FRG1: variants seen among roughly 807,000 people sequenced by gnomAD.
FRG1 encodes the protein protein FRG1.
In FRG1, 19 loss-of-function variants were observed where a neutral mutation model predicts 37.0. That is an observed-to-expected ratio of 0.51 (90% confidence interval 0.36 to 0.75). The LOEUF (loss-of-function observed/expected upper bound fraction) is 0.75. Among genes scored for constraint, FRG1 ranks in the 30% least tolerant of loss-of-function variants. FRG1 has a pLI of 0.00. For missense variants in FRG1, 243 were observed against 301.4 expected (o/e 0.81, Z 1.44); for synonymous variants, 73 against 96.5 (o/e 0.76, Z 1.43).
chr4:189,954,245 T>C (rs906062165), intron 4 of FRG1, among the ~76,000 whole-genome samples: 17 of 152,144 alleles, frequency 1.1e-4, no homozygotes, highest in African/African-American at 3.9e-4. Context: ...CTCTGTTAAT[T>C]TGAGGTAAGA....
intron 8 of FRG1, 119 bp from the exon 9 acceptor site, chr4:189,962,974 A>G (rs1309416148): frequency 2.0e-6 from 1 of 509,100 alleles, no homozygotes; most frequent in Non-Finnish European, 3.5e-6. Context: ...TTTTAATAAA[A>G]GTGTTGTGGT....
At chr4:189,956,000 A>G (rs1736967042) in intron 5 of FRG1, among the ~76,000 whole-genome samples, 1 of 152,160 alleles carries the variant, frequency 6.6e-6, no homozygotes, top group Non-Finnish European at 1.5e-5. Flanking sequence ...AATCACTTAG[A>G]CTAATTTCCT....
At chr4:189,952,104 AAAAG>A (rs984080821) in intron 2 of FRG1, 54 bp from the exon 3 acceptor site, 37 of 1,302,798 alleles carry the variant, frequency 2.8e-5, no homozygotes, top group Non-Finnish European at 3.7e-5. Context: ...AATAACAAAA[AAAAG>A]AACTCTGTGT....
intron 4 of FRG1, among the ~76,000 whole-genome samples, chr4:189,954,147 T>G (rs1736878128): frequency 6.6e-6 from 1 of 152,070 alleles, no homozygotes; most frequent in South Asian, 2.1e-4. Flanking sequence ...AAATGCAAAT[T>G]TATAGGATAC....
chr4:189,951,160 A>G (rs1345525522), intron 2 of FRG1, among the ~76,000 whole-genome samples: 2 of 152,184 alleles, frequency 1.3e-5, no homozygotes, highest in Non-Finnish European at 2.9e-5. Flanking sequence ...ACATAGACAT[A>G]GATTCTGCTC....
chr4:189,950,721 T>A (rs770673954), intron 2 of FRG1, among the ~76,000 whole-genome samples: 8 of 152,166 alleles, frequency 5.3e-5, no homozygotes, highest in Non-Finnish European at 1.2e-4. Flanking sequence ...AAGAATATAA[T>A]GAGTCCCCCA....
chr4:189,946,121 T>G (rs1262589459), intron 2 of FRG1, among the ~76,000 whole-genome samples: 1 of 152,186 alleles, frequency 6.6e-6, no homozygotes, highest in Non-Finnish European at 1.5e-5. Context: ...AATTTGTGTT[T>G]TTGCTATGTT....
Position 189,963,192 on chromosome 4 carries a change from A to G in FRG1, c.*63A>G, listed in dbSNP as rs905639783. 5 of 1,360,296 alleles carry G rather than the reference A, an allele frequency of 3.7e-6. No individual in the cohort carries two copies. The highest frequency in any genetic ancestry group is 5.2e-6 in the Non-Finnish European group (5 of 954,834). The allele number at this position is 1,360,296 out of a possible 1,614,324, so 84.3% of individuals were successfully genotyped here. On this transcript the variant is annotated 3_prime_UTR_variant, in exon 9 of 9. Transcript: ENST00000226798. ...TTTCTGAATAAAATATTCAGAGGAA[A>G]TGCTTTTACAGAGTTCTTGAGTTGT...
intron 2 of FRG1, among the ~76,000 whole-genome samples, chr4:189,946,738 T>A (rs1012640762): frequency 7.9e-5 from 12 of 152,390 alleles, no homozygotes; most frequent in Admixed American, 7.8e-4. Flanking sequence ...TATGTTATTG[T>A]TGCTGATTTC....
Position 189,949,988 on chromosome 4 carries a change from C to T in FRG1, c.134-2174C>T, listed in dbSNP as rs62345263. ...TCCCACCAGCATTGCACAGGGTTTC[C>T]GTTTCTCCACATCCTGCCCAACATT... On this transcript the variant is annotated intron_variant, in intron 2 of 8. Coordinates refer to ENST00000226798, the MANE Select transcript of FRG1 (RefSeq NM_004477.3). 2.6e-3 allele frequency among the ~76,000 whole-genome samples: 401 copies of T among 151,708 alleles called. 3 individuals carry two copies. Among genetic ancestry groups the T allele is most frequent in the Non-Finnish European group, 4.0e-3 (272 of 67,722 alleles).
At chr4:189,962,308 C>CT (rs1240557363) in intron 8 of FRG1, among the ~76,000 whole-genome samples, 1 of 152,190 alleles carries the variant, frequency 6.6e-6, no homozygotes, top group Non-Finnish European at 1.5e-5. Flanking sequence ...AACTAAAAAA[C>CT]TAAGTATAAA....
At position 189,940,934 on chromosome 4, in the gene FRG1, C is replaced by T. The variant is rs903159987; in HGVS notation, c.-76C>T. The T allele has an allele frequency of 3.5e-6, 4 of 1,155,676 alleles. No homozygotes were observed. Among genetic ancestry groups the T allele is most frequent in the Non-Finnish European group, 1.3e-6 (1 of 783,082 alleles). 71.6% of individuals were successfully genotyped at this position (1,155,676 alleles called of 1,614,324 possible). On this transcript the variant is annotated 5_prime_UTR_variant, in exon 1 of 9. Coordinates refer to ENST00000226798, the MANE Select transcript of FRG1 (RefSeq NM_004477.3). ...TTTCGCGTCCGCTTCTGTTTCTCCG[C>T]GCCCCTGTGCTGCCCCGACTCACAT...
intron 3 of FRG1, 32 bp downstream of exon 3, chr4:189,952,319 A>G: frequency 6.2e-7 from 1 of 1,602,534 alleles, no homozygotes; most frequent in Non-Finnish European, 8.5e-7. Flanking sequence ...GGCTGCCACA[A>G]GTGTAGATTT....
At chr4:189,945,242 T>G (rs1190805211) in intron 2 of FRG1, among the ~76,000 whole-genome samples, 2 of 152,232 alleles carry the variant, frequency 1.3e-5, no homozygotes, top group Non-Finnish European at 2.9e-5. Flanking sequence ...TCCTTTTGTC[T>G]TGTCTTTCTT....
chr4:189,957,483 G>C lies in FRG1; in HGVS notation c.518G>C (p.Gly173Ala), dbSNP rs1249072292. ...ATAGAAGCAAAAAGTAAAACAGCAG[G>C]AGAAGAAGAAATGATCAAGGTAATG... ...GDIEAKSKTA[G>A]EEEMIKIRSC... The change falls in exon 6 of 9, where the codon GGA becomes GCA. Residue 173 changes from glycine (G) to alanine (A), a missense_variant. This residue lies in a region of FRG1 where 133 missense variants were observed against 199.3 expected (regional missense o/e 0.67). Transcript: ENST00000226798. 2 of 1,612,128 alleles carry C rather than the reference G, an allele frequency of 1.2e-6. No individual in the cohort carries two copies. The highest frequency in any genetic ancestry group is 3.3e-5 in the Admixed American group (2 of 59,970).
intron 8 of FRG1, 83 bp from the exon 9 acceptor site, chr4:189,963,010 T>C: frequency 1.1e-6 from 1 of 890,802 alleles, no homozygotes; most frequent in Non-Finnish European, 1.7e-6. Flanking sequence ...ACACACAGTT[T>C]TAAAGCTTTT....
intron 5 of FRG1, among the ~76,000 whole-genome samples, chr4:189,956,518 A>G (rs1736988705): frequency 6.6e-6 from 1 of 152,180 alleles, no homozygotes; most frequent in African/African-American, 2.4e-5. Flanking sequence ...CAGCTGAATA[A>G]TCTGTGGCAC....
At chr4:189,941,511 T>C (rs1223200148) in intron 1 of FRG1, among the ~76,000 whole-genome samples, 1 of 152,178 alleles carries the variant, frequency 6.6e-6, no homozygotes, top group African/African-American at 2.4e-5. Context: ...CACACAGTGG[T>C]TGAGGTGTAT....
At position 189,940,963 on chromosome 4, in the gene FRG1, C is replaced by G. The variant is rs1243604809; in HGVS notation, c.-47C>G. ...CCTGTGCTGCCCCGACTCACATACTCGTCCAGAACCGGCCTCAGCCTCTCC... is the reference window on the plus strand; with the variant it reads ...CCTGTGCTGCCCCGACTCACATACTGGTCCAGAACCGGCCTCAGCCTCTCC... On this transcript the variant is annotated 5_prime_UTR_variant, in exon 1 of 9. Coordinates refer to ENST00000226798, the MANE Select transcript of FRG1 (RefSeq NM_004477.3). 1 of 1,518,544 alleles carries G rather than the reference C, an allele frequency of 6.6e-7. No individual in the cohort carries two copies. The highest frequency in any genetic ancestry group is 9.1e-7 in the Non-Finnish European group (1 of 1,097,666). 94.1% of individuals were successfully genotyped at this position (1,518,544 alleles called of 1,614,324 possible).
Sources: gnomAD v4.1 joint callset for allele counts (sites outside exome capture counted in the v4.1 genomes callset) on GRCh38, gnomAD v4.1.1 for gene constraint, gnomAD v4.1.1 regional missense constraint, MANE v1.5 for transcripts, NCBI Gene and HGNC (gene_info 2026-07-23, HGNC 2026-07-21) for gene names.